Variants in SGCZ observed in about 807,000 individuals in gnomAD.
SGCZ encodes zeta-sarcoglycan.
In SGCZ, 40 loss-of-function variants were observed where a neutral mutation model predicts 41.3. That is an observed-to-expected ratio of 0.97 (90% CI 0.75 to 1.26). SGCZ has a LOEUF of 1.26. Ranked by LOEUF, SGCZ falls within the 50% of genes most tolerant of loss-of-function variation. SGCZ has a pLI of 0.00. For synonymous variants in SGCZ, 206 were observed against 137.5 expected (o/e 1.50, Z -3.49); for missense variants, 552 against 369.8 (o/e 1.49, Z -4.04).
intron 4 of SGCZ, among the ~76,000 whole-genome samples, chr8:14,235,804 C>T (rs534214725): frequency 6.6e-6 from 1 of 152,238 alleles, no homozygotes; most frequent in South Asian, 2.1e-4. Context: ...CCAGCCTCAG[C>T]CTCCTGAGTA....
intron 1 of SGCZ, among the ~76,000 whole-genome samples, chr8:15,099,682 A>G (rs527824880): frequency 6.6e-6 from 1 of 152,304 alleles, no homozygotes; most frequent in African/African-American, 2.4e-5. Flanking sequence ...AATTACACCA[A>G]TATCTCTCTA....
At chr8:14,339,120 T>C (rs984693137) in intron 2 of SGCZ, among the ~76,000 whole-genome samples, 17 of 152,202 alleles carry the variant, frequency 1.1e-4, no homozygotes, top group African/African-American at 4.1e-4. Flanking sequence ...CAGAGTGTTC[T>C]ATTAAAGAAA....
At chr8:14,458,760 G>T (rs1800819667) in intron 2 of SGCZ, among the ~76,000 whole-genome samples, 1 of 151,988 alleles carries the variant, frequency 6.6e-6, no homozygotes, top group African/African-American at 2.4e-5. Flanking sequence ...TGCTAAAAGG[G>T]CCTAGTAGCA....
At chr8:14,729,188 G>A (rs1047603685) in intron 1 of SGCZ, among the ~76,000 whole-genome samples, 2 of 152,080 alleles carry the variant, frequency 1.3e-5, no homozygotes, top group African/African-American at 2.4e-5. Flanking sequence ...TTCTTCCAAG[G>A]TGTTATTTCT....
At chr8:15,093,286 G>A (rs1011447497) in intron 1 of SGCZ, among the ~76,000 whole-genome samples, 1 of 152,286 alleles carries the variant, frequency 6.6e-6, no homozygotes, top group Middle Eastern at 3.4e-3. Context: ...CCACAGTACC[G>A]ACTTCTCTGA....
intron 2 of SGCZ, among the ~76,000 whole-genome samples, chr8:14,525,054 T>C (rs1266331225): frequency 6.6e-6 from 1 of 152,012 alleles, no homozygotes; most frequent in African/African-American, 2.4e-5. Flanking sequence ...GGTAGAGAGA[T>C]AGATGATGAT....
At chr8:14,170,730 G>A (rs544712729) in intron 4 of SGCZ, among the ~76,000 whole-genome samples, 8 of 151,892 alleles carry the variant, frequency 5.3e-5, no homozygotes, top group African/African-American at 1.9e-4. Flanking sequence ...CGGGTGAGAC[G>A]TTATTTTGTA....
intron 1 of SGCZ, among the ~76,000 whole-genome samples, chr8:14,842,219 C>G (rs1188153508): frequency 6.6e-6 from 1 of 151,998 alleles, no homozygotes; most frequent in Non-Finnish European, 1.5e-5. Context: ...CAGTGATTAG[C>G]AAATGTTTTC....
chr8:14,090,701 C>T (rs1243041299), intron 7 of SGCZ, 64 bp from the exon 8 acceptor site: 1 of 1,370,080 alleles, frequency 7.3e-7, no homozygotes. Flanking sequence ...TAATCTACAT[C>T]CCTCCTCAAC....
chr8:14,786,299 G>A (rs1227519574), intron 1 of SGCZ, among the ~76,000 whole-genome samples: 1 of 152,078 alleles, frequency 6.6e-6, no homozygotes, highest in African/African-American at 2.4e-5. Context: ...CATCAATAGA[G>A]CATTGAAAGA....
intron 1 of SGCZ, among the ~76,000 whole-genome samples, chr8:14,855,913 C>A (rs1174476350): frequency 6.6e-6 from 1 of 152,130 alleles, no homozygotes; most frequent in Non-Finnish European, 1.5e-5. Flanking sequence ...GGAAAAGACC[C>A]AACTTTTCAT....
At chr8:14,211,899 C>G (rs901317409) in intron 4 of SGCZ, among the ~76,000 whole-genome samples, 1 of 152,066 alleles carries the variant, frequency 6.6e-6, no homozygotes, top group South Asian at 2.1e-4. Context: ...AGAAGTGGTA[C>G]CACAACTTCT....
At chr8:14,290,308 C>T (rs1309542076) in intron 3 of SGCZ, among the ~76,000 whole-genome samples, 1 of 108,646 alleles carries the variant, frequency 9.2e-6, no homozygotes, top group East Asian at 2.6e-4. Flanking sequence ...ACCAGAGGTA[C>T]ATAGGCAACA....
At chr8:14,194,019 C>G (rs554465743) in intron 4 of SGCZ, among the ~76,000 whole-genome samples, 20 of 151,410 alleles carry the variant, frequency 1.3e-4, no homozygotes, top group Admixed American at 1.2e-3. Context: ...CATGATGGGA[C>G]AATAGTTTTT....
At chr8:14,497,143 T>C (rs769780992) in intron 2 of SGCZ, among the ~76,000 whole-genome samples, 3 of 152,184 alleles carry the variant, frequency 2.0e-5, no homozygotes, top group Non-Finnish European at 2.9e-5. Flanking sequence ...AGTCCATTTA[T>C]ATTGCTATGA....
chr8:14,540,329 T>A (rs1053272762), intron 2 of SGCZ, among the ~76,000 whole-genome samples: 1 of 149,876 alleles, frequency 6.7e-6, no homozygotes, highest in African/African-American at 2.4e-5. Flanking sequence ...ATTAGAGGTA[T>A]CATGAGTATT....
intron 2 of SGCZ, among the ~76,000 whole-genome samples, chr8:14,432,865 G>GAT (rs1799982164): frequency 7.8e-6 from 1 of 127,540 alleles, no homozygotes; most frequent in Non-Finnish European, 1.6e-5. Flanking sequence ...AGTAAGCCAA[G>GAT]ATCGTGCTAC....
chr8:15,187,152 T>C (rs1208228733), intron 1 of SGCZ, among the ~76,000 whole-genome samples: 1 of 152,206 alleles, frequency 6.6e-6, no homozygotes, highest in Admixed American at 6.5e-5. Flanking sequence ...CCAAGTATTC[T>C]TCATTATTTA....
chr8:14,292,920 C>A (rs969863247), intron 3 of SGCZ, among the ~76,000 whole-genome samples: 1 of 151,882 alleles, frequency 6.6e-6, no homozygotes, highest in African/African-American at 2.4e-5. Flanking sequence ...ACACAAAGCA[C>A]ATGTTTAGTA....
Sources: allele counts gnomAD v4.1 joint callset (sites outside exome capture counted in the v4.1 genomes callset), GRCh38; gene constraint gnomAD v4.1.1; transcripts MANE v1.5; gene names NCBI Gene and HGNC (gene_info 2026-07-23, HGNC 2026-07-21).